Variants in PCDHGB5 observed in about 807,000 individuals in gnomAD.
PCDHGB5 encodes protocadherin gamma subfamily B, 5.
In PCDHGB5, 48 loss-of-function variants were observed where a neutral mutation model predicts 62.9. The observed-to-expected ratio is 0.76, with a 90% CI of 0.61 to 0.97. The LOEUF (loss-of-function observed/expected upper bound fraction) is 0.97. PCDHGB5 is among the 50% of genes least tolerant of loss of function. PCDHGB5 has a pLI of 0.00. For missense variants in PCDHGB5, 1,118 were observed against 1,198.6 expected, an observed-to-expected ratio of 0.93 and a Z score of 0.99; for synonymous variants, 474 against 511.2, an observed-to-expected ratio of 0.93 and a Z score of 0.98.
intron 1 of PCDHGB5, chr5:141,423,684 T>G (rs201506477): frequency 6.6e-7 from 1 of 1,524,756 alleles, no homozygotes; most frequent in Non-Finnish European, 8.8e-7. Context: ...CTCTGCCTCC[T>G]AATTGTTGGT....
chr5:141,445,129 A>G (rs1405841381), intron 1 of PCDHGB5, among the ~76,000 whole-genome samples: 3 of 152,226 alleles, frequency 2.0e-5, no homozygotes, highest in Non-Finnish European at 4.4e-5. Context: ...TATTTTTAAA[A>G]TTGTATCTTC....
chr5:141,487,297 C>A lies in PCDHGB5; in HGVS notation c.2398-7510C>A. ...TTTGCTTTGTCTCCTTTGGCTCATT[C>A]GTGGCACTACTCTCTAAGTGTCTTC... is the stretch of plus-strand genomic sequence containing the variant. On this transcript the variant is annotated intron_variant, in intron 1 of 3. Transcript: ENST00000617380. This position sits in a 1 kb window ranked among gnomAD's most constrained non-coding sequence, Gnocchi z 5.0. 1 of 1,614,102 alleles carries A rather than the reference C, an allele frequency of 6.2e-7. No homozygotes were observed. The highest frequency in any genetic ancestry group is 8.5e-7 in the Non-Finnish European group (1 of 1,180,002).
In PCDHGB5 at chr5:141,491,762, C is replaced by T. The variant is rs1162878124; in HGVS notation, c.2398-3045C>T. The T allele has an allele frequency of 6.4e-7, 1 of 1,572,596 alleles. No homozygotes were observed. The highest frequency in any genetic ancestry group is 1.4e-5 in the African/African-American group (1 of 73,308). ...GGCGGCACTGGAGAAGCCGCCCGTC[C>T]TCATAAGGGATTGAACTTGCATCCA... On this transcript the variant is annotated intron_variant, in intron 1 of 3. Transcript: ENST00000617380. The surrounding 1 kb of genome is among the most constrained non-coding windows in gnomAD (Gnocchi z 6.9).
Position 141,400,082 on chromosome 5 carries a change from C to A in PCDHGB5, c.1955C>A (p.Ala652Asp). The part of the protein sequence containing the change: ...VRDGGQPPLS[A>D]TATLHLVFAD... ...GATGGTGGACAGCCGCCACTCTCCG[C>A]CACCGCCACGCTGCACTTGGTCTTT... is the stretch of plus-strand genomic sequence containing the variant. Residue 652 changes from alanine to aspartate, a missense_variant, in exon 1 of 4, where the codon GCC becomes GAC. Ala to Asp is a moderately radical substitution (Grantham distance 126). Around this residue, in one of 2 missense-constraint regions of PCDHGB5, gnomAD observed 1,034 missense variants for 1,029.1 expected, o/e 1.00. Coordinates refer to ENST00000617380, the MANE Select transcript of PCDHGB5 (RefSeq NM_018925.3). The A allele has an allele frequency of 1.2e-6, 2 of 1,614,016 alleles. No homozygotes were observed. The highest frequency in any genetic ancestry group is 1.7e-6 in the Non-Finnish European group (2 of 1,179,880).
Position 141,485,151 on chromosome 5 carries a change from T to C in PCDHGB5, c.2398-9656T>C, listed in dbSNP as rs1191585056. 1.0e-5 allele frequency: 16 copies of C among 1,584,876 alleles called. No homozygotes were observed. Among genetic ancestry groups the C allele is most frequent in the Non-Finnish European group, 1.3e-5 (15 of 1,156,528 alleles). On this transcript the variant is annotated intron_variant, in intron 1 of 3. Coordinates refer to ENST00000617380, the MANE Select transcript of PCDHGB5 (RefSeq NM_018925.3). This position sits in a 1 kb window ranked among gnomAD's most constrained non-coding sequence, Gnocchi z 5.7. ...GCTTCATCCGCGTCTCAGGAGCAAG[T>C]AGAGAATTAGCGGGCGGCAGCAATG...
intron 1 of PCDHGB5, chr5:141,478,160 G>GC (rs764598056): frequency 3.7e-6 from 6 of 1,613,948 alleles, no homozygotes. Flanking sequence ...CTCTGGCTCT[G>GC]CCCCCCGGGA....
intron 1 of PCDHGB5, among the ~76,000 whole-genome samples, chr5:141,436,383 G>C (rs1374382672): frequency 6.6e-6 from 1 of 152,104 alleles, no homozygotes; most frequent in Admixed American, 6.5e-5. Context: ...AGCTGAATAG[G>C]CTTTATTAAA....
chr5:141,414,659 T>C lies in PCDHGB5; in HGVS notation c.2397+14135T>C, dbSNP rs566999623. On this transcript the variant is annotated intron_variant, in intron 1 of 3. Coordinates refer to ENST00000617380, the MANE Select transcript of PCDHGB5 (RefSeq NM_018925.3). ...GAGAATGCCCAGATTATTTACTCCC[T>C]GGCTGAAGACACCATCCAGGGGGTA... 21 of 1,614,010 alleles carry C rather than the reference T, an allele frequency of 1.3e-5. No homozygotes were observed. In the South Asian group the frequency reaches 2.2e-4, roughly 17 times the overall value.
rs547284271 is a variant in PCDHGB5 at position 141,489,064 on chromosome 5, C to G, written c.2398-5743C>G. On this transcript the variant is annotated intron_variant, in intron 1 of 3. Coordinates refer to ENST00000617380, the MANE Select transcript of PCDHGB5 (RefSeq NM_018925.3). This position sits in a 1 kb window ranked among gnomAD's most constrained non-coding sequence, Gnocchi z 4.5. ...TCCACTCAAATTCAGCTCCCCTCCC[C>G]CCTGCCCACCCCCGCCACTCGGTGA... 1.9e-4 allele frequency: 74 copies of G among 387,742 alleles called. No homozygotes were observed. The highest frequency in any genetic ancestry group is 1.5e-3 in the African/African-American group (70 of 47,296). The allele number at this position is 387,742 out of a possible 1,614,324, so 24.0% of individuals were successfully genotyped here. A position where few individuals can be genotyped will look rare whatever the true frequency, so the allele number is the denominator to read the frequency against.
In PCDHGB5 at chr5:141,511,999, C is replaced by G. The variant is rs1049440139; in HGVS notation, c.*826C>G. ...GTGGATGGTGGGGGCATGGACAAAG[C>G]TTGACACATCAAGTTATCAAGGCCT... is the stretch of plus-strand genomic sequence containing the variant. On this transcript the variant is annotated 3_prime_UTR_variant, in exon 4 of 4. Coordinates refer to ENST00000617380, the MANE Select transcript of PCDHGB5 (RefSeq NM_018925.3). 6.5e-6 allele frequency: 1 copy of G among 153,016 alleles called. No individual in the cohort carries two copies. Among genetic ancestry groups the G allele is most frequent in the Non-Finnish European group, 1.5e-5 (1 of 68,392 alleles). The allele number at this position is 153,016 out of a possible 1,614,324, so 9.5% of individuals were successfully genotyped here. A position where few individuals can be genotyped will look rare whatever the true frequency, so the allele number is the denominator to read the frequency against.
At chr5:141,441,886 A>C (rs2098281968) in intron 1 of PCDHGB5, 1 of 345,040 alleles carries the variant, frequency 2.9e-6, no homozygotes, top group Non-Finnish European at 5.6e-6. Flanking sequence ...CCTGGTCACC[A>C]AGGTGGTGGC....
In PCDHGB5 at chr5:141,399,509, AC is replaced by A; in HGVS notation, c.1385del (p.Pro462LeufsTer18). ...ASYLVSVPEN[N>X]PPGASIAQVC... ...TACTTAGTCAGTGTACCCGAAAACAACCCTCCTGGGGCCTCCATCGCGCAAG... is the reference window on the plus strand; with the variant it reads ...TACTTAGTCAGTGTACCCGAAAACAACCTCCTGGGGCCTCCATCGCGCAAG... On this transcript the variant is annotated frameshift_variant, in exon 1 of 4. Coordinates refer to ENST00000617380, the MANE Select transcript of PCDHGB5 (RefSeq NM_018925.3). LOFTEE classifies it high-confidence loss of function. The A allele has an allele frequency of 6.2e-7, 1 of 1,613,968 alleles. No homozygotes were observed. The highest frequency in any genetic ancestry group is 8.5e-7 in the Non-Finnish European group (1 of 1,179,880).
chr5:141,428,121 G>A (rs764584436), intron 1 of PCDHGB5: 2 of 1,605,742 alleles, frequency 1.2e-6, no homozygotes, highest in Admixed American at 1.7e-5. Flanking sequence ...CATCGAGCCC[G>A]GGCTTTTCAG....
chr5:141,465,583 A>G (rs1056902823), intron 1 of PCDHGB5, among the ~76,000 whole-genome samples: 10 of 152,162 alleles, frequency 6.6e-5, no homozygotes, highest in African/African-American at 2.4e-4. Flanking sequence ...ACACTCTCAT[A>G]ATAATCAGAT....
rs1561748501 is a variant in PCDHGB5 at position 141,414,351 on chromosome 5, G to GT, written c.2397+13828dup. On this transcript the variant is annotated intron_variant, in intron 1 of 3. Coordinates refer to ENST00000617380, the MANE Select transcript of PCDHGB5 (RefSeq NM_018925.3). ...GACAGGTAACCTGTTCCATTTTGGC[G>GT]TATCTACCATTTAAATTAGAAAAGT... 2.5e-6 allele frequency: 4 copies of GT among 1,613,794 alleles called. No individual in the cohort carries two copies. The South Asian group carries it at 3.3e-5, about 13-fold the overall frequency.
rs558513172 is a variant in PCDHGB5 at position 141,424,015 on chromosome 5, A to T, written c.2397+23491A>T. The T allele has an allele frequency of 3.0e-5, 32 of 1,060,896 alleles. No individual in the cohort carries two copies. The Admixed American group carries it at 3.2e-4, about 11-fold the overall frequency. The allele number at this position is 1,060,896 out of a possible 1,614,324, so 65.7% of individuals were successfully genotyped here. A position where few individuals can be genotyped will look rare whatever the true frequency, so the allele number is the denominator to read the frequency against. ...TATTATATATAGATACAAATTAATGATTCACAAACACTTTTTATTTCCATT... is the reference window on the plus strand; with the variant it reads ...TATTATATATAGATACAAATTAATGTTTCACAAACACTTTTTATTTCCATT... On this transcript the variant is annotated intron_variant, in intron 1 of 3. Transcript: ENST00000617380.
At position 141,486,449 on chromosome 5, in the gene PCDHGB5, A is replaced by G; in HGVS notation, c.2398-8358A>G. On this transcript the variant is annotated intron_variant, in intron 1 of 3. Coordinates refer to ENST00000617380, the MANE Select transcript of PCDHGB5 (RefSeq NM_018925.3). The surrounding 1 kb of genome is among the most constrained non-coding windows in gnomAD (Gnocchi z 5.0). The stretch of plus-strand genomic sequence containing the variant: ...CAAATCTAGCTATGACATCATGGTC[A>G]CTGCTTCTGATGCTGGGAACCCTCC... The G allele has an allele frequency of 6.2e-7, 1 of 1,614,184 alleles. No homozygotes were observed. Among genetic ancestry groups the G allele is most frequent in the Non-Finnish European group, 8.5e-7 (1 of 1,180,000 alleles).
rs372326132 is a variant in PCDHGB5 at position 141,486,185 on chromosome 5, G to A, written c.2398-8622G>A. On this transcript the variant is annotated intron_variant, in intron 1 of 3. Coordinates refer to ENST00000617380, the MANE Select transcript of PCDHGB5 (RefSeq NM_018925.3). The surrounding 1 kb of genome is among the most constrained non-coding windows in gnomAD (Gnocchi z 5.0). ...CATGGAGCAACATTGCAGCCTTCGAGTGGATCTGCTGGACGTAAATGACAA... is the reference window on the plus strand; with the variant it reads ...CATGGAGCAACATTGCAGCCTTCGAATGGATCTGCTGGACGTAAATGACAA... 42 of 1,614,108 alleles carry A rather than the reference G, an allele frequency of 2.6e-5. No homozygotes were observed. The highest frequency in any genetic ancestry group is 3.4e-5 in the Non-Finnish European group (40 of 1,180,048).
At chr5:141,492,933 A>G (rs935580560) in intron 1 of PCDHGB5, among the ~76,000 whole-genome samples, 3 of 152,194 alleles carry the variant, frequency 2.0e-5, no homozygotes, top group Admixed American at 6.5e-5. Flanking sequence ...CTAGGGTCAG[A>G]GATTTGGAGG....
Sources: allele counts gnomAD v4.1 joint callset (sites outside exome capture counted in the v4.1 genomes callset), GRCh38; gene constraint gnomAD v4.1.1; regional missense constraint gnomAD v4.1.1; non-coding constraint Gnocchi (gnomAD v3.1); transcripts MANE v1.5; gene names NCBI Gene and HGNC (gene_info 2026-07-23, HGNC 2026-07-21).